Variants in SH3RF3 observed in about 807,000 individuals in gnomAD.
SH3RF3 encodes SH3 domain containing ring finger 3.
A neutral mutation model predicts 66.3 loss-of-function variants in SH3RF3; 29 were observed. The observed-to-expected ratio is 0.44, with a 90% CI of 0.33 to 0.60. The LOEUF (loss-of-function observed/expected upper bound fraction) is 0.60. SH3RF3 is among the 20% of genes least tolerant of loss of function. The pLI, the probability that SH3RF3 is intolerant of heterozygous loss-of-function variation, is 0.04. For synonymous variants in SH3RF3, 583 were observed against 532.0 expected, an observed-to-expected ratio of 1.10 and a Z score of -1.32; for missense variants, 1,194 against 1,190.9, an observed-to-expected ratio of 1.00 and a Z score of -0.04.
chr2:109,309,798 A>G (rs1681684099), intron 1 of SH3RF3, among the ~76,000 whole-genome samples: 1 of 120,794 alleles, frequency 8.3e-6, no homozygotes, highest in South Asian at 2.6e-4. Flanking sequence ...TAACTATCCT[A>G]AATAGATATG....
chr2:109,186,707 C>T (rs1678197183), intron 1 of SH3RF3, among the ~76,000 whole-genome samples: 1 of 152,216 alleles, frequency 6.6e-6, no homozygotes, highest in Non-Finnish European at 1.5e-5. Context: ...GAGCCACACA[C>T]ACAGCTTTGA....
At position 109,344,660 on chromosome 2, in the gene SH3RF3, C is replaced by T. The variant is rs1682643273; in HGVS notation, c.574-3014C>T. On this transcript the variant is annotated intron_variant, in intron 1 of 9. Coordinates refer to ENST00000309415, the MANE Select transcript of SH3RF3 (RefSeq NM_001099289.3). ...ACTGGGTGCAAGGAGAGATGACAGGCAAGGCAGTGGGAGTGGGAGGGTGCA... is the reference window on the plus strand; with the variant it reads ...ACTGGGTGCAAGGAGAGATGACAGGTAAGGCAGTGGGAGTGGGAGGGTGCA... Among the ~76,000 whole-genome samples, 3 of 152,130 alleles carry T rather than the reference C, an allele frequency of 2.0e-5. No homozygotes were observed. In the South Asian group the frequency reaches 6.2e-4, roughly 32 times the overall value.
intron 9 of SH3RF3, among the ~76,000 whole-genome samples, chr2:109,494,440 C>G (rs1679204022): frequency 6.6e-6 from 1 of 152,188 alleles, no homozygotes; most frequent in Non-Finnish European, 1.5e-5. Context: ...TCCTGGGGAG[C>G]CCTAGCAGGT....
chr2:109,456,749 C>T (rs1559093760), intron 8 of SH3RF3, among the ~76,000 whole-genome samples: 2 of 152,184 alleles, frequency 1.3e-5, no homozygotes, highest in Admixed American at 6.5e-5. Context: ...TCCAGAGAGG[C>T]AAGGTGACCT....
chr2:109,444,923 A>C (rs1334780179), intron 7 of SH3RF3, among the ~76,000 whole-genome samples: 4 of 152,228 alleles, frequency 2.6e-5, no homozygotes, highest in African/African-American at 9.7e-5. Context: ...AAGGAATAAC[A>C]TATACACACA....
At chr2:109,465,785 G>C (rs10175977) in intron 8 of SH3RF3, among the ~76,000 whole-genome samples, 77 of 152,252 alleles carry the variant, frequency 5.1e-4, no homozygotes, top group African/African-American at 1.8e-3. Flanking sequence ...AGGAGCAAGA[G>C]GGGAGGGAGG....
chr2:109,196,840 G>A (rs1043763950), intron 1 of SH3RF3, among the ~76,000 whole-genome samples: 2 of 152,204 alleles, frequency 1.3e-5, no homozygotes, highest in African/African-American at 4.8e-5. Context: ...CTCACAGGGA[G>A]ATCCTGCCAA....
chr2:109,398,514 C>A, intron 3 of SH3RF3, 76 bp from the exon 4 acceptor site: 2 of 1,300,770 alleles, frequency 1.5e-6, no homozygotes, highest in Non-Finnish European at 2.1e-6. Flanking sequence ...GGAAATGTGG[C>A]CTGGAGAGTG....
chr2:109,373,239 G>A (rs1281820306), intron 3 of SH3RF3, among the ~76,000 whole-genome samples: 1 of 152,202 alleles, frequency 6.6e-6, no homozygotes, highest in African/African-American at 2.4e-5. Flanking sequence ...AGAACTTAAT[G>A]CGCGAATACC....
intron 1 of SH3RF3, among the ~76,000 whole-genome samples, chr2:109,316,647 C>G (rs540071064): frequency 2.0e-5 from 3 of 152,306 alleles, no homozygotes; most frequent in African/African-American, 7.2e-5. Context: ...GCAGCCTTTC[C>G]ATCAGCATCA....
chr2:109,401,948 G>A (rs114447352), intron 4 of SH3RF3, among the ~76,000 whole-genome samples: 3,537 of 152,310 alleles, frequency 0.023, 149 homozygotes, highest in African/African-American at 0.081. Context: ...CCAGCAGTTC[G>A]ACTTGAAGCG....
chr2:109,170,536 G>A (rs1677753457), intron 1 of SH3RF3, among the ~76,000 whole-genome samples: 1 of 151,922 alleles, frequency 6.6e-6, no homozygotes. Context: ...AGTAGAGATG[G>A]GGTTTCACTA....
intron 1 of SH3RF3, among the ~76,000 whole-genome samples, chr2:109,280,625 A>G (rs2043076): frequency 0.74 from 111,958 of 152,134 alleles, 41,911 homozygotes; most frequent in East Asian, 0.9. Flanking sequence ...AATCTACACT[A>G]ATAGATCTGC....
chr2:109,145,618 C>T (rs978290307), intron 1 of SH3RF3, among the ~76,000 whole-genome samples: 2 of 152,208 alleles, frequency 1.3e-5, no homozygotes, highest in Non-Finnish European at 2.9e-5. Context: ...GCACTGCTAT[C>T]GCCATGCGTT....
rs533503675 is a variant in SH3RF3, at chr2:109,264,151, C to T, written c.574-83523C>T. Among the ~76,000 whole-genome samples the T allele has an allele frequency of 1.9e-3, 285 of 147,492 alleles. 1 individual carries two copies. The highest frequency in any genetic ancestry group is 6.8e-3 in the African/African-American group (272 of 39,902). ...GGATCCACCTCGAGTCTGTGGGTGCCCCCCATCCACCTCCCCAGGATCCAC... is the reference window on the plus strand; with the variant it reads ...GGATCCACCTCGAGTCTGTGGGTGCTCCCCATCCACCTCCCCAGGATCCAC... On this transcript the variant is annotated intron_variant, in intron 1 of 9. Transcript: ENST00000309415.
intron 1 of SH3RF3, among the ~76,000 whole-genome samples, chr2:109,316,379 T>C (rs77811766): frequency 0.31 from 47,340 of 151,958 alleles, 9,135 homozygotes; most frequent in African/African-American, 0.55. Context: ...GGAGAAGCCC[T>C]GGTGCCATGT....
At chr2:109,316,969 A>T (rs60988143) in intron 1 of SH3RF3, among the ~76,000 whole-genome samples, 47,452 of 151,764 alleles carry the variant, frequency 0.31, 9,186 homozygotes, top group African/African-American at 0.55. Context: ...ATGTCTTTTC[A>T]TGGCTTCATA....
chr2:109,199,219 C>T (rs1300356893), intron 1 of SH3RF3, among the ~76,000 whole-genome samples: 2 of 149,992 alleles, frequency 1.3e-5, no homozygotes, highest in South Asian at 4.2e-4. Flanking sequence ...ATTAGCCAGG[C>T]GTGGTGGCGG....
At chr2:109,209,894 G>A (rs1201413399) in intron 1 of SH3RF3, among the ~76,000 whole-genome samples, 1 of 151,960 alleles carries the variant, frequency 6.6e-6, no homozygotes, top group Admixed American at 6.6e-5. Flanking sequence ...CATTAAGTAC[G>A]TCCCCCCTGT....
Sources: allele counts gnomAD v4.1 joint callset (sites outside exome capture counted in the v4.1 genomes callset), GRCh38; gene constraint gnomAD v4.1.1; transcripts MANE v1.5; gene names NCBI Gene and HGNC (gene_info 2026-07-23, HGNC 2026-07-21).